Variants in SCRG1 observed in about 807,000 individuals in gnomAD.
The protein encoded by SCRG1 is scrapie-responsive protein 1.
A neutral mutation model predicts 7.7 loss-of-function variants in SCRG1; 3 were observed. That is an observed-to-expected ratio of 0.39 (90% confidence interval 0.18 to 1.01). The LOEUF (loss-of-function observed/expected upper bound fraction) is 1.01. Among genes scored for constraint, SCRG1 ranks in the 50% least tolerant of loss-of-function variants. The pLI is 0.36. For synonymous variants in SCRG1, 46 were observed against 41.2 expected (o/e 1.12, Z -0.44); for missense variants, 110 against 117.2 (o/e 0.94, Z 0.28).
At chr4:173,473,760 G>T in the SCRG1 span, among the ~76,000 whole-genome samples, 1 of 152,294 alleles carries the variant, frequency 6.6e-6, no homozygotes, top group Non-Finnish European at 1.5e-5. Flanking sequence ...CATCCCAGAG[G>T]CCTCACTCTG....
chr4:173,514,004 TA>T, the SCRG1 span, among the ~76,000 whole-genome samples: 3 of 152,214 alleles, frequency 2.0e-5, no homozygotes, highest in African/African-American at 7.2e-5. Context: ...GAGTTGCTGC[TA>T]AATATATTCC....
chr4:173,408,285 ACTGT>A (rs1159656611), upstream of SCRG1, among the ~76,000 whole-genome samples: 1 of 152,198 alleles, frequency 6.6e-6, no homozygotes, highest in African/African-American at 2.4e-5. Flanking sequence ...TTTCTATAAC[ACTGT>A]CTTCTATCAA....
the SCRG1 span, chr4:173,419,576 T>C: frequency 1.4e-6 from 1 of 728,630 alleles, no homozygotes; most frequent in Non-Finnish European, 2.5e-6. Flanking sequence ...ATTAAATTCC[T>C]TGTTTTCAGA....
At chr4:173,401,642 C>T (rs528247070), upstream of SCRG1, among the ~76,000 whole-genome samples, 1 of 152,318 alleles carries the variant, frequency 6.6e-6, no homozygotes, top group East Asian at 1.9e-4. Flanking sequence ...ATATGCTTGG[C>T]ATTGTGCTTA....
chr4:173,446,570 G>C, the SCRG1 span: 2 of 152,260 alleles, frequency 1.3e-5, no homozygotes, highest in South Asian at 4.1e-4. Flanking sequence ...ACCTCACTCA[G>C]TTTCCATACC....
chr4:173,441,334 G>C, the SCRG1 span, among the ~76,000 whole-genome samples: 1 of 152,130 alleles, frequency 6.6e-6, no homozygotes, highest in Non-Finnish European at 1.5e-5. Flanking sequence ...CTGTGGCAAA[G>C]TCTCCGTCAC....
upstream of SCRG1, among the ~76,000 whole-genome samples, chr4:173,408,424 C>A (rs1272114740): frequency 6.6e-6 from 1 of 152,160 alleles, no homozygotes; most frequent in Non-Finnish European, 1.5e-5. Flanking sequence ...TTTTACTATG[C>A]TTCCACACTC....
the SCRG1 span, among the ~76,000 whole-genome samples, chr4:173,441,969 G>A: frequency 6.6e-6 from 1 of 152,190 alleles, no homozygotes; most frequent in Non-Finnish European, 1.5e-5. Flanking sequence ...CAAAGGAGAC[G>A]ATGTTGACCT....
At chr4:173,464,009 A>C in the SCRG1 span, among the ~76,000 whole-genome samples, 1 of 152,156 alleles carries the variant, frequency 6.6e-6, no homozygotes, top group Non-Finnish European at 1.5e-5. Flanking sequence ...CTAGATTTTC[A>C]AACTGTTAAA....
chr4:173,418,460 A>G, the SCRG1 span, among the ~76,000 whole-genome samples: 1 of 152,236 alleles, frequency 6.6e-6, no homozygotes. Context: ...ACCCACAGTC[A>G]ACCTGCAGCC....
At chr4:173,435,909 T>G in the SCRG1 span, among the ~76,000 whole-genome samples, 1 of 152,142 alleles carries the variant, frequency 6.6e-6, no homozygotes, top group African/African-American at 2.4e-5. Context: ...AATGTGAATT[T>G]ACAAGTTCAG....
chr4:173,437,336 C>T, the SCRG1 span, among the ~76,000 whole-genome samples: 2 of 152,192 alleles, frequency 1.3e-5, no homozygotes, highest in African/African-American at 4.8e-5. Context: ...TTTCAAACCT[C>T]ACCTGCTGAA....
the SCRG1 span, among the ~76,000 whole-genome samples, chr4:173,498,128 G>A: frequency 6.6e-6 from 1 of 152,200 alleles, no homozygotes; most frequent in Non-Finnish European, 1.5e-5. Flanking sequence ...TTGCCTCTCT[G>A]TTAAGTTTGC....
chr4:173,393,182 TAGATA>T (rs1327385992), intron 1 of SCRG1, among the ~76,000 whole-genome samples: 3 of 152,242 alleles, frequency 2.0e-5, no homozygotes, highest in Non-Finnish European at 4.4e-5. Flanking sequence ...TAAGTCATTT[TAGATA>T]AGATAATGGA....
the SCRG1 span, among the ~76,000 whole-genome samples, chr4:173,417,019 A>G: frequency 6.7e-6 from 1 of 150,078 alleles, no homozygotes; most frequent in Non-Finnish European, 1.5e-5. Flanking sequence ...CACACCCCAC[A>G]CACAATCACA....
At chr4:173,482,360 T>C in the SCRG1 span, among the ~76,000 whole-genome samples, 1 of 152,156 alleles carries the variant, frequency 6.6e-6, no homozygotes, top group East Asian at 1.9e-4. Flanking sequence ...GAAATTAACA[T>C]ATGTCATGTG....
upstream of SCRG1, among the ~76,000 whole-genome samples, chr4:173,410,092 C>G (rs1740007712): frequency 6.6e-6 from 1 of 152,308 alleles, no homozygotes; most frequent in African/African-American, 2.4e-5. Flanking sequence ...GAGATTCAAC[C>G]TAAGTAAAAC....
chr4:173,476,354 GA>G, the SCRG1 span, among the ~76,000 whole-genome samples: 43 of 70,158 alleles, frequency 6.1e-4, 1 homozygote, highest in African/African-American at 1.0e-3. Context: ...CTCTGAGGGG[GA>G]AAAAAAAAAT....
upstream of SCRG1, among the ~76,000 whole-genome samples, chr4:173,400,616 G>A (rs1739736195): frequency 6.6e-6 from 1 of 152,192 alleles, no homozygotes; most frequent in Admixed American, 6.5e-5. Flanking sequence ...CGAAGTCATG[G>A]TTGTACCACT....
Sources: allele counts gnomAD v4.1 joint callset (sites outside exome capture counted in the v4.1 genomes callset), GRCh38; gene constraint gnomAD v4.1.1; transcripts MANE v1.5; gene names NCBI Gene and HGNC (gene_info 2026-07-23, HGNC 2026-07-21).